LHFPL3: variants seen among roughly 807,000 people sequenced by gnomAD.
LHFPL3 encodes LHFPL tetraspan subfamily member 3, also known as LHFPL tetraspan subfamily member 3 protein.
LHFPL3 carries 5 observed loss-of-function variants against 19.3 expected under a neutral mutation model. The ratio of observed to expected loss-of-function variants is 0.26; its 90% confidence interval spans 0.14 to 0.54. The LOEUF is 0.54. Among genes scored for constraint, LHFPL3 ranks in the 20% least tolerant of loss-of-function variants. LHFPL3 has a pLI of 0.94. For synonymous variants in LHFPL3, 133 were observed against 126.2 expected, an observed-to-expected ratio of 1.05 and a Z score of -0.36; for missense variants, 249 against 307.4, an observed-to-expected ratio of 0.81 and a Z score of 1.42.
intron 1 of LHFPL3, among the ~76,000 whole-genome samples, chr7:104,463,168 A>G (rs1259406448): frequency 2.0e-5 from 3 of 151,904 alleles, no homozygotes; most frequent in Non-Finnish European, 2.9e-5. Flanking sequence ...ATCTTATTAC[A>G]TTTTTCAAAA....
chr7:104,733,665 C>T (rs1028109507), intron 1 of LHFPL3, among the ~76,000 whole-genome samples: 1 of 152,142 alleles, frequency 6.6e-6, no homozygotes, highest in African/African-American at 2.4e-5. Flanking sequence ...TGGGTCTTGA[C>T]TTTTTATCCA....
intron 1 of LHFPL3, among the ~76,000 whole-genome samples, chr7:104,663,322 C>G (rs1216923074): frequency 1.3e-5 from 2 of 152,168 alleles, no homozygotes; most frequent in African/African-American, 4.8e-5. Flanking sequence ...TTAAAAAGAA[C>G]CTTTGAGAAT....
chr7:104,816,131 C>G (rs1225736109), intron 2 of LHFPL3, among the ~76,000 whole-genome samples: 1 of 152,168 alleles, frequency 6.6e-6, no homozygotes, highest in Non-Finnish European at 1.5e-5. Context: ...AAAAGAACAA[C>G]TTGAAGAACT....
chr7:104,439,247 A>G (rs916716429), intron 1 of LHFPL3, among the ~76,000 whole-genome samples: 5 of 152,154 alleles, frequency 3.3e-5, no homozygotes, highest in African/African-American at 1.2e-4. Flanking sequence ...GCCCAGCCCT[A>G]CAAACTCTTT....
At chr7:104,743,885 G>C (rs1031423810) in intron 2 of LHFPL3, among the ~76,000 whole-genome samples, 1 of 152,022 alleles carries the variant, frequency 6.6e-6, no homozygotes, top group Admixed American at 6.6e-5. Context: ...TGTCACCCAG[G>C]CTGGAATACA....
intron 1 of LHFPL3, among the ~76,000 whole-genome samples, chr7:104,439,850 G>A (rs1437748218): frequency 1.3e-5 from 2 of 151,940 alleles, no homozygotes; most frequent in Non-Finnish European, 2.9e-5. Flanking sequence ...CAATGAATAA[G>A]ACAAGAAAAA....
chr7:104,790,650 A>G (rs1790007256), intron 2 of LHFPL3, among the ~76,000 whole-genome samples: 1 of 152,190 alleles, frequency 6.6e-6, no homozygotes, highest in African/African-American at 2.4e-5. Flanking sequence ...TCAGGATGCC[A>G]AGCCCATCGT....
At chr7:104,599,059 A>G (rs1790916910) in intron 1 of LHFPL3, among the ~76,000 whole-genome samples, 1 of 152,198 alleles carries the variant, frequency 6.6e-6, no homozygotes, top group South Asian at 2.1e-4. Flanking sequence ...GTGCTTCTAA[A>G]CAAAATGAAA....
chr7:104,751,256 G>A (rs148364480), intron 2 of LHFPL3, among the ~76,000 whole-genome samples: 201 of 111,528 alleles, frequency 1.8e-3, no homozygotes, highest in East Asian at 8.4e-3. Flanking sequence ...CAACTCCACT[G>A]TGACCTTACA....
At chr7:104,750,044 ATTG>A (rs1438259661) in intron 2 of LHFPL3, among the ~76,000 whole-genome samples, 1 of 152,242 alleles carries the variant, frequency 6.6e-6, no homozygotes, top group African/African-American at 2.4e-5. Flanking sequence ...TCCGCACCCC[ATTG>A]TTGTAATAAA....
At chr7:104,430,439 T>TATATAC (rs1791970578) in intron 1 of LHFPL3, among the ~76,000 whole-genome samples, 1 of 17,784 alleles carries the variant, frequency 5.6e-5, no homozygotes, top group Non-Finnish European at 9.8e-5. Flanking sequence ...TATATATATA[T>TATATAC]ATATATATAT....
intron 1 of LHFPL3, among the ~76,000 whole-genome samples, chr7:104,698,294 C>A (rs1793034331): frequency 1.3e-5 from 2 of 152,302 alleles, no homozygotes; most frequent in Middle Eastern, 3.4e-3. Context: ...TTAGATCTCC[C>A]TTTCCCACAT....
intron 1 of LHFPL3, among the ~76,000 whole-genome samples, chr7:104,471,172 G>T (rs774493664): frequency 6.6e-6 from 1 of 152,016 alleles, no homozygotes; most frequent in Non-Finnish European, 1.5e-5. Context: ...TTTGTTTTTG[G>T]TATATTTTCT....
At chr7:104,846,629 C>A (rs914757426) in intron 2 of LHFPL3, among the ~76,000 whole-genome samples, 22 of 152,300 alleles carry the variant, frequency 1.4e-4, no homozygotes, top group Admixed American at 1.2e-3. Flanking sequence ...AAACTTTATC[C>A]TCCTCTTCCC....
intron 1 of LHFPL3, among the ~76,000 whole-genome samples, chr7:104,428,998 A>G (rs746043986): frequency 1.3e-5 from 2 of 152,192 alleles, no homozygotes; most frequent in Non-Finnish European, 2.9e-5. Context: ...TGAATTCTAA[A>G]TGCTTATACA....
intron 1 of LHFPL3, among the ~76,000 whole-genome samples, chr7:104,518,850 A>AGATAGATAGAAAG (rs748597414): frequency 0.042 from 5,886 of 140,070 alleles, 379 homozygotes; most frequent in African/African-American, 0.14. Flanking sequence ...TAGATAGAAT[A>AGATAGATAGAAAG]AATAAAAAAA....
intron 2 of LHFPL3, among the ~76,000 whole-genome samples, chr7:104,893,134 A>G (rs916474202): frequency 6.6e-6 from 1 of 151,904 alleles, no homozygotes; most frequent in Non-Finnish European, 1.5e-5. Flanking sequence ...GGATCACTTG[A>G]GCCCAAGAGT....
At chr7:104,658,638 T>C (rs1263292975) in intron 1 of LHFPL3, among the ~76,000 whole-genome samples, 1 of 152,228 alleles carries the variant, frequency 6.6e-6, no homozygotes, top group Non-Finnish European at 1.5e-5. Flanking sequence ...CCGTCTCTAC[T>C]AAAAATACAA....
intron 1 of LHFPL3, among the ~76,000 whole-genome samples, chr7:104,553,604 C>A (rs1196861446): frequency 6.6e-6 from 1 of 152,116 alleles, no homozygotes; most frequent in East Asian, 1.9e-4. Context: ...TTAAACTCAT[C>A]TATTTCCCAT....
Sources: gnomAD v4.1 joint callset for allele counts (sites outside exome capture counted in the v4.1 genomes callset) on GRCh38, gnomAD v4.1.1 for gene constraint, MANE v1.5 for transcripts, NCBI Gene and HGNC (gene_info 2026-07-23, HGNC 2026-07-21) for gene names.